CHD7: variants seen among roughly 807,000 people sequenced by gnomAD.
CHD7 encodes the protein ATP-dependent chromatin remodeler CHD7.
CHD7 carries 24 observed loss-of-function variants against 307.3 expected under a neutral mutation model. That is an observed-to-expected ratio of 0.08 (90% CI 0.06 to 0.11). The LOEUF is 0.11. Among genes scored for constraint, CHD7 ranks in the 10% least tolerant of loss-of-function variants. The pLI, the probability that CHD7 is intolerant of heterozygous loss-of-function variation, is 1.00. For missense variants in CHD7, 3,106 were observed against 3,727.1 expected (o/e 0.83, Z 4.34); for synonymous variants, 1,363 against 1,349.9 (o/e 1.01, Z -0.21).
At chr8:60,698,370 C>T (rs943422459) in intron 1 of CHD7, among the ~76,000 whole-genome samples, 1 of 152,142 alleles carries the variant, frequency 6.6e-6, no homozygotes, top group African/African-American at 2.4e-5. Context: ...ATAATGATGT[C>T]AGAGAATCCT....
intron 21 of CHD7, among the ~76,000 whole-genome samples, chr8:60,843,314 GCAAAAGCCCTTTGCTA>G (rs1563650439): frequency 6.6e-6 from 1 of 152,148 alleles, no homozygotes; most frequent in Non-Finnish European, 1.5e-5. Flanking sequence ...GCCCTGCCCC[GCAAAAGCCCTTTGCTA>G]CCCATGCCTG....
intron 15 of CHD7, among the ~76,000 whole-genome samples, chr8:60,834,931 G>A (rs1024050825): frequency 1.3e-5 from 2 of 152,168 alleles, no homozygotes; most frequent in African/African-American, 4.8e-5. Context: ...TGAGGTTTAT[G>A]TATCCCCATC....
intron 7 of CHD7, among the ~76,000 whole-genome samples, chr8:60,813,637 G>A (rs1231826744): frequency 6.6e-6 from 1 of 152,068 alleles, no homozygotes; most frequent in Non-Finnish European, 1.5e-5. Context: ...TTTTTGCAGT[G>A]TCAATAGAAA....
chr8:60,742,877 G>C lies in CHD7; in HGVS notation c.1445G>C (p.Gly482Ala), dbSNP rs911422083. The C allele has an allele frequency of 2.5e-6, 4 of 1,612,246 alleles. No individual in the cohort carries two copies. Among genetic ancestry groups the C allele is most frequent in the Non-Finnish European group, 3.4e-6 (4 of 1,179,066 alleles). The part of the protein sequence containing the change: ...TGHMRPNGCP[G>A]VGLGDPQAIQ... Reference sequence around the variant, plus strand: ...CACATGAGGCCAAATGGTTGTCCTGGTGTTGGCCTTGGAGACCCACAAGCA... The same window carrying C: ...CACATGAGGCCAAATGGTTGTCCTGCTGTTGGCCTTGGAGACCCACAAGCA... The change falls in exon 2 of 38, where the codon GGT (glycine) becomes GCT (alanine). Residue 482 changes from glycine (G) to alanine (A), a missense_variant. Coordinates refer to ENST00000423902, the MANE Select transcript of CHD7 (RefSeq NM_017780.4).
intron 14 of CHD7, among the ~76,000 whole-genome samples, chr8:60,829,403 G>C (rs1478179377): frequency 6.6e-6 from 1 of 152,122 alleles, no homozygotes; most frequent in Non-Finnish European, 1.5e-5. Flanking sequence ...TTTGAGACCA[G>C]CCTGGCCAAT....
chr8:60,791,543 T>A (rs918158802), intron 3 of CHD7, among the ~76,000 whole-genome samples: 1 of 152,206 alleles, frequency 6.6e-6, no homozygotes, highest in Non-Finnish European at 1.5e-5. Flanking sequence ...TCTGTTGTAA[T>A]TTGGAAGAGG....
intron 14 of CHD7, 148 bp downstream of exon 14, chr8:60,828,954 T>C (rs185643918): frequency 1.0e-5 from 7 of 691,758 alleles, no homozygotes; most frequent in South Asian, 6.0e-5. Flanking sequence ...CCTTGGACTT[T>C]CCAGGTCATC....
chr8:60,859,173 G>A (rs1309859818), intron 34 of CHD7, among the ~76,000 whole-genome samples: 7 of 151,882 alleles, frequency 4.6e-5, no homozygotes, highest in African/African-American at 9.7e-5. Flanking sequence ...GAAATGTAGG[G>A]ATTCCTCATT....
chr8:60,682,340 A>G (rs1378472429), intron 1 of CHD7, among the ~76,000 whole-genome samples: 1 of 152,246 alleles, frequency 6.6e-6, no homozygotes, highest in Non-Finnish European at 1.5e-5. Flanking sequence ...CATCAAGGAA[A>G]TGTTACAACC....
chr8:60,829,487 GC>G (rs536548300), intron 14 of CHD7, among the ~76,000 whole-genome samples: 241 of 152,272 alleles, frequency 1.6e-3, no homozygotes, highest in African/African-American at 5.8e-3. Context: ...TGTAGCCCCA[GC>G]TACTCTGGAC....
chr8:60,714,429 C>T (rs1259044665), intron 1 of CHD7, among the ~76,000 whole-genome samples: 2 of 94,762 alleles, frequency 2.1e-5, no homozygotes, highest in Non-Finnish European at 4.9e-5. Context: ...CCCCCCCCCG[C>T]CCCGCACACC....
chr8:60,849,674 C>G (rs772576092), intron 25 of CHD7, among the ~76,000 whole-genome samples: 7 of 152,160 alleles, frequency 4.6e-5, no homozygotes, highest in Non-Finnish European at 8.8e-5. Flanking sequence ...GTGAGCGATT[C>G]CTGATTATAA....
intron 23 of CHD7, 79 bp downstream of exon 23, chr8:60,845,488 G>C: frequency 6.8e-7 from 1 of 1,462,354 alleles, no homozygotes; most frequent in Non-Finnish European, 9.3e-7. Context: ...GGCCCTTCAC[G>C]TCTGCAGATG....
intron 2 of CHD7, among the ~76,000 whole-genome samples, chr8:60,774,748 C>T (rs1014582268): frequency 2.0e-5 from 3 of 152,196 alleles, no homozygotes; most frequent in African/African-American, 2.4e-5. Flanking sequence ...TTGCGGGGAG[C>T]TTTGTTTCAT....
rs778831298 is a variant in CHD7 at position 60,742,767 on chromosome 8, C to T, written c.1335C>T (p.Ile445=). The T allele has an allele frequency of 3.5e-5, 56 of 1,613,920 alleles. 1 individual carries two copies. Among genetic ancestry groups the T allele is most frequent in the East Asian group, 1.8e-4 (8 of 44,906 alleles). ...ACCAGCCCCCTGGTGCCATGGGAAT[C>T]GGACAGAGGAATATGGGCCCCAGAA... ...PSHQPPGAMG[I]GQRNMGPRNM... is the part of the protein sequence containing the mutation. Residue 445 remains isoleucine, a synonymous_variant, in exon 2 of 38, where the codon ATC becomes ATT. Transcript: ENST00000423902.
intron 2 of CHD7, among the ~76,000 whole-genome samples, chr8:60,752,137 G>A (rs1479459920): frequency 3.3e-5 from 5 of 152,136 alleles, no homozygotes; most frequent in Non-Finnish European, 7.3e-5. Context: ...AGTCCTAGAC[G>A]TTAACCTTAA....
intron 2 of CHD7, among the ~76,000 whole-genome samples, chr8:60,775,721 A>G (rs1291836792): frequency 6.6e-6 from 1 of 152,206 alleles, no homozygotes; most frequent in African/African-American, 2.4e-5. Context: ...AAGGGCTTGG[A>G]AAGTCCTGCA....
chr8:60,794,933 A>C, intron 3 of CHD7, 53 bp from the exon 4 acceptor site: 1 of 1,504,290 alleles, frequency 6.6e-7, no homozygotes, highest in Non-Finnish European at 9.0e-7. Context: ...AATATAAGAG[A>C]CATGCAGAAA....
At chr8:60,743,451 TTTAAAAATACACTGACAC>T (rs1449136549) in intron 2 of CHD7, among the ~76,000 whole-genome samples, 1 of 152,240 alleles carries the variant, frequency 6.6e-6, no homozygotes, top group East Asian at 1.9e-4. Context: ...GTGTGTGTGT[TTTAAAAATACACTGACAC>T]TTGGTTTCTA....
Sources: gnomAD v4.1 joint callset for allele counts (sites outside exome capture counted in the v4.1 genomes callset) on GRCh38, gnomAD v4.1.1 for gene constraint, MANE v1.5 for transcripts, NCBI Gene and HGNC (gene_info 2026-07-23, HGNC 2026-07-21) for gene names.